Variants in PRKN observed in about 807,000 individuals in gnomAD.
PRKN encodes the protein parkin RBR E3 ubiquitin protein ligase.
Under a neutral mutation model 59.5 loss-of-function variants are expected in PRKN, and 56 were observed. The ratio of observed to expected loss-of-function variants is 0.94; its 90% CI spans 0.76 to 1.18. The LOEUF is 1.18. Ranked by LOEUF, PRKN falls within the 50% of genes most tolerant of loss-of-function variation. PRKN has a pLI of 0.00. For synonymous variants in PRKN, 250 were observed against 222.1 expected, an observed-to-expected ratio of 1.13 and a Z score of -1.12; for missense variants, 657 against 596.4, an observed-to-expected ratio of 1.10 and a Z score of -1.06.
intron 9 of PRKN, among the ~76,000 whole-genome samples, chr6:161,482,456 G>A (rs1791446688): frequency 6.6e-6 from 1 of 152,208 alleles, no homozygotes; most frequent in South Asian, 2.1e-4. Flanking sequence ...TGAATATGAA[G>A]AGATGCATGA....
intron 7 of PRKN, chr6:161,783,574 A>G: frequency 2.1e-6 from 1 of 478,606 alleles, no homozygotes; most frequent in Non-Finnish European, 4.0e-6. Flanking sequence ...TTAAAAGAAA[A>G]TGGGTTCAAA....
intron 7 of PRKN, among the ~76,000 whole-genome samples, chr6:161,769,642 G>C (rs933365370): frequency 1.3e-5 from 2 of 152,162 alleles, no homozygotes; most frequent in African/African-American, 2.4e-5. Flanking sequence ...CCTAGCTTAA[G>C]GATCTTAGGG....
chr6:161,834,953 C>A (rs13210072), intron 6 of PRKN, among the ~76,000 whole-genome samples: 1 of 152,108 alleles, frequency 6.6e-6, no homozygotes, highest in African/African-American at 2.4e-5. Flanking sequence ...AGCACCTCCA[C>A]CCCACCCCAC....
chr6:162,466,494 G>C (rs1393934914), intron 1 of PRKN, among the ~76,000 whole-genome samples: 1 of 152,060 alleles, frequency 6.6e-6, no homozygotes, highest in Admixed American at 6.6e-5. Context: ...GACCTCCCAG[G>C]CTCAAGTAAT....
intron 10 of PRKN, among the ~76,000 whole-genome samples, chr6:161,383,372 T>C (rs1786081273): frequency 6.6e-6 from 1 of 152,238 alleles, no homozygotes; most frequent in South Asian, 2.1e-4. Flanking sequence ...AATTCGCTCA[T>C]AGAGAAGGTG....
chr6:162,156,111 T>C (rs1448208861), intron 4 of PRKN, among the ~76,000 whole-genome samples: 13 of 152,158 alleles, frequency 8.5e-5, no homozygotes, highest in Admixed American at 8.5e-4. Flanking sequence ...CATCCCTATG[T>C]ACTGTATATA....
intron 4 of PRKN, among the ~76,000 whole-genome samples, chr6:162,127,697 T>C (rs1226171694): frequency 6.6e-6 from 1 of 152,202 alleles, no homozygotes; most frequent in Non-Finnish European, 1.5e-5. Context: ...TGCCCATTAC[T>C]TTGAATAACA....
intron 1 of PRKN, among the ~76,000 whole-genome samples, chr6:162,673,965 T>C (rs1779439156): frequency 1.3e-5 from 2 of 152,190 alleles, no homozygotes; most frequent in Non-Finnish European, 1.5e-5. Context: ...TGACTTTTTC[T>C]GGGCCTCCTT....
chr6:162,604,581 G>T (rs1013951337), intron 1 of PRKN, among the ~76,000 whole-genome samples: 4 of 151,936 alleles, frequency 2.6e-5, no homozygotes, highest in Non-Finnish European at 4.4e-5. Flanking sequence ...AATCTTTTCT[G>T]GGTCCATGTT....
At chr6:162,010,413 G>A (rs1353075220) in intron 5 of PRKN, among the ~76,000 whole-genome samples, 1 of 50,010 alleles carries the variant, frequency 2.0e-5, no homozygotes, top group Non-Finnish European at 3.2e-5. Flanking sequence ...TTTATTATAT[G>A]TAATATACAT....
chr6:162,338,676 T>C (rs1267663685), intron 2 of PRKN, among the ~76,000 whole-genome samples: 11 of 151,626 alleles, frequency 7.3e-5, no homozygotes, highest in Non-Finnish European at 8.8e-5. Flanking sequence ...GCCGCCACCC[T>C]GTCTGGGAAG....
intron 7 of PRKN, among the ~76,000 whole-genome samples, chr6:161,672,733 A>C (rs1362267137): frequency 4.6e-5 from 7 of 152,136 alleles, no homozygotes; most frequent in Non-Finnish European, 1.0e-4. Context: ...CCGAGATCAC[A>C]CCACTGCACT....
intron 1 of PRKN, among the ~76,000 whole-genome samples, chr6:162,545,062 G>A (rs989057330): frequency 1.3e-5 from 2 of 149,668 alleles, no homozygotes; most frequent in Non-Finnish European, 3.0e-5. Context: ...TGAGGTGGAC[G>A]AATCGTGAGG....
rs114974496 is a variant in PRKN at position 161,973,322 on chromosome 6, G to A, written c.714C>T (p.Cys238=). The A allele has an allele frequency of 5.9e-4, 957 of 1,611,800 alleles. 4 individuals carry two copies. In the African/African-American group the frequency reaches 0.011, roughly 19 times the overall value. ...LIATNSRNIT[C]ITCTDVRSPV... ...CTTACCTGACGTCTGTGCACGTAAT[G>A]CAAGTGATGTTCCGACTATTTGTTG... Residue 238 remains cysteine, a synonymous_variant, in exon 6 of 12, where the codon TGC becomes TGT. Coordinates refer to ENST00000366898, the MANE Select transcript of PRKN (RefSeq NM_004562.3).
At chr6:162,467,905 C>G (rs1215392600) in intron 1 of PRKN, among the ~76,000 whole-genome samples, 1 of 152,060 alleles carries the variant, frequency 6.6e-6, no homozygotes, top group Non-Finnish European at 1.5e-5. Flanking sequence ...TTGTTGTTCC[C>G]TTTGCCTGGA....
chr6:161,389,356 G>A (rs111941820), intron 9 of PRKN, among the ~76,000 whole-genome samples: 118 of 152,310 alleles, frequency 7.7e-4, no homozygotes, highest in African/African-American at 2.5e-3. Flanking sequence ...TCAGAGATAT[G>A]CCACAATTGA....
intron 9 of PRKN, among the ~76,000 whole-genome samples, chr6:161,489,772 T>A (rs1777480724): frequency 6.6e-6 from 1 of 152,264 alleles, no homozygotes; most frequent in Non-Finnish European, 1.5e-5. Context: ...ATTTATTAGG[T>A]GAAGGATGAC....
intron 7 of PRKN, among the ~76,000 whole-genome samples, chr6:161,625,728 C>T (rs1323397178): frequency 6.6e-6 from 1 of 152,142 alleles, no homozygotes; most frequent in Non-Finnish European, 1.5e-5. Context: ...TCCATGCAAT[C>T]ATGTGCACAA....
intron 7 of PRKN, among the ~76,000 whole-genome samples, chr6:161,735,699 G>C (rs1787935463): frequency 6.6e-6 from 1 of 151,858 alleles, no homozygotes; most frequent in Non-Finnish European, 1.5e-5. Context: ...GGTGGATCAC[G>C]AGGTCAGGAA....
Sources: allele counts gnomAD v4.1 joint callset (sites outside exome capture counted in the v4.1 genomes callset), GRCh38; gene constraint gnomAD v4.1.1; transcripts MANE v1.5; gene names NCBI Gene and HGNC (gene_info 2026-07-23, HGNC 2026-07-21).